CREB5: variants seen among roughly 807,000 people sequenced by gnomAD.
CREB5 encodes cAMP responsive element binding protein 5.
A neutral mutation model predicts 57.1 loss-of-function variants in CREB5; 19 were observed. The observed-to-expected ratio is 0.33, with a 90% CI of 0.23 to 0.49. The LOEUF is 0.49. Among genes scored for constraint, CREB5 ranks in the 20% least tolerant of loss-of-function variants. The pLI is 0.99. For missense variants in CREB5, 579 were observed against 671.6 expected (o/e 0.86, Z 1.52); for synonymous variants, 238 against 238.3 (o/e 1.00, Z 0.01).
At chr7:28,459,534 T>A (rs925853555) in intron 1 of CREB5, among the ~76,000 whole-genome samples, 7 of 152,198 alleles carry the variant, frequency 4.6e-5, no homozygotes, top group Non-Finnish European at 7.4e-5. Flanking sequence ...CATTATGAGT[T>A]AGCTCATGGG....
At chr7:28,487,076 G>C (rs1446221846) in intron 1 of CREB5, among the ~76,000 whole-genome samples, 1 of 152,120 alleles carries the variant, frequency 6.6e-6, no homozygotes. Flanking sequence ...GAGTGCCATG[G>C]TGCGATCTCA....
intron 1 of CREB5, among the ~76,000 whole-genome samples, chr7:28,464,500 T>C (rs866430377): frequency 1.3e-4 from 14 of 109,290 alleles, no homozygotes; most frequent in African/African-American, 4.9e-4. Context: ...AAGTTGCGTG[T>C]GTGTGTGTGT....
chr7:28,472,167 CAT>C lies in CREB5; in HGVS notation c.4-16006_4-16005del, dbSNP rs1491401581. On this transcript the variant is annotated intron_variant, in intron 1 of 10. Coordinates refer to ENST00000357727, the MANE Select transcript of CREB5 (RefSeq NM_182898.4). Reference sequence around the variant, plus strand: ...ATAGTCAAAGCAAAAAAAAAAAAAACATAGTAATGAGATTGTCTTAGGTTTGG... The same window carrying C: ...ATAGTCAAAGCAAAAAAAAAAAAAACAGTAATGAGATTGTCTTAGGTTTGG... 4.0e-3 allele frequency among the ~76,000 whole-genome samples: 578 copies of C among 144,120 alleles called. 4 individuals are homozygous for C. Among genetic ancestry groups the C allele is most frequent in the Non-Finnish European group, 4.3e-3 (284 of 65,754 alleles). The allele number at this position is 144,120 out of a possible 152,430, so 94.5% of individuals were successfully genotyped here.
chr7:28,772,644 A>G (rs1290814145), intron 7 of CREB5, among the ~76,000 whole-genome samples: 1 of 152,208 alleles, frequency 6.6e-6, no homozygotes, highest in Non-Finnish European at 1.5e-5. Flanking sequence ...TTCAAGCTAA[A>G]TGTAGTAAAA....
At chr7:28,310,269 T>C (rs573397161) in intron 1 of CREB5, among the ~76,000 whole-genome samples, 1 of 152,314 alleles carries the variant, frequency 6.6e-6, no homozygotes, top group South Asian at 2.1e-4. Context: ...GCAAAGGAAG[T>C]GTTCATTTGG....
In CREB5 at chr7:28,822,874, G is replaced by C. The variant is rs911367587; in HGVS notation, c.*3595G>C. 1 of 152,494 alleles carries C rather than the reference G, an allele frequency of 6.6e-6. No homozygotes were observed. The highest frequency in any genetic ancestry group is 2.4e-5 in the African/African-American group (1 of 41,428). 9.4% of individuals were successfully genotyped at this position (152,494 alleles called of 1,614,324 possible). A position where few individuals can be genotyped will look rare whatever the true frequency, so the allele number is the denominator to read the frequency against. On this transcript the variant is annotated 3_prime_UTR_variant, in exon 11 of 11. Transcript: ENST00000357727. ...ACACTACTACTCAGCCCTCTCCTGC[G>C]GCCACATCAACGGATGCAAGTCACA...
intron 4 of CREB5, among the ~76,000 whole-genome samples, chr7:28,561,138 GCTGA>G (rs937843624): frequency 3.3e-5 from 5 of 152,240 alleles, no homozygotes; most frequent in African/African-American, 1.2e-4. Flanking sequence ...TAAGGAGAGT[GCTGA>G]CTTTTTATTT....
In CREB5 at chr7:28,494,909, T is replaced by C; in HGVS notation, c.79T>C (p.Phe27Leu). The C allele has an allele frequency of 6.3e-7, 1 of 1,589,050 alleles. No homozygotes were observed. Among genetic ancestry groups the C allele is most frequent in the Non-Finnish European group, 8.5e-7 (1 of 1,173,484 alleles). The change falls in exon 3 of 11, where the codon TTC (phenylalanine) becomes CTC (leucine). Residue 27 changes from phenylalanine to leucine, a missense_variant. Transcript: ENST00000357727. ...VCSAPGCSQR[F>L]PTEDHLMIHR... ...TTTTTTTTTATTCGTCCGACAGCGC[T>C]TCCCAACAGAGGACCATCTGATGAT...
intron 3 of CREB5, among the ~76,000 whole-genome samples, chr7:28,503,687 C>T (rs756899745): frequency 1.1e-4 from 17 of 152,032 alleles, no homozygotes; most frequent in Non-Finnish European, 2.1e-4. Flanking sequence ...GCACGTTGAG[C>T]GATGTTTTCT....
At chr7:28,736,449 G>A (rs1046385563) in intron 7 of CREB5, among the ~76,000 whole-genome samples, 9 of 152,168 alleles carry the variant, frequency 5.9e-5, no homozygotes, top group African/African-American at 9.7e-5. Flanking sequence ...GATTACAGGC[G>A]TGAGCCACTG....
chr7:28,401,428 T>C (rs938343535), intron 1 of CREB5, among the ~76,000 whole-genome samples: 2 of 152,108 alleles, frequency 1.3e-5, no homozygotes, highest in Non-Finnish European at 2.9e-5. Context: ...TTTTATTTTT[T>C]TATAATGTAA....
chr7:28,802,078 GAAAAAAAAAAAAAA>G (rs35658848), intron 7 of CREB5, among the ~76,000 whole-genome samples: 2 of 26,648 alleles, frequency 7.5e-5, no homozygotes, highest in East Asian at 1.5e-3. Context: ...GACTCCATCT[GAAAAAAAAAAAAAA>G]AAAAAAAAAA....
intron 1 of CREB5, among the ~76,000 whole-genome samples, chr7:28,365,402 G>A (rs541671097): frequency 3.9e-5 from 6 of 152,016 alleles, no homozygotes; most frequent in Middle Eastern, 3.4e-3. Flanking sequence ...CTTTGCTCCC[G>A]GAATTATCAC....
At chr7:28,316,961 C>T (rs1785395982) in intron 1 of CREB5, among the ~76,000 whole-genome samples, 1 of 151,342 alleles carries the variant, frequency 6.6e-6, no homozygotes, top group Non-Finnish European at 1.5e-5. Context: ...ATAAATATGA[C>T]TTCGCCTACC....
chr7:28,730,687 A>G (rs931550661), intron 7 of CREB5, among the ~76,000 whole-genome samples: 1 of 152,134 alleles, frequency 6.6e-6, no homozygotes, highest in South Asian at 2.1e-4. Flanking sequence ...ACAAATTGCA[A>G]ACTGCTTCCA....
At chr7:28,521,654 C>G (rs1346105618) in intron 4 of CREB5, among the ~76,000 whole-genome samples, 1 of 152,206 alleles carries the variant, frequency 6.6e-6, no homozygotes, top group Non-Finnish European at 1.5e-5. Flanking sequence ...GCAAATAGCT[C>G]TTACTAACCT....
chr7:28,622,737 C>T (rs1338834926), intron 5 of CREB5, among the ~76,000 whole-genome samples: 1 of 152,040 alleles, frequency 6.6e-6, no homozygotes, highest in Non-Finnish European at 1.5e-5. Context: ...AATATTCCCA[C>T]CAGCTGGGTG....
intron 1 of CREB5, among the ~76,000 whole-genome samples, chr7:28,358,289 A>G (rs714218): frequency 0.67 from 102,516 of 151,986 alleles, 35,146 homozygotes; most frequent in South Asian, 0.76. Context: ...TTAACTGGGG[A>G]CTCCTGCTCA....
At chr7:28,519,740 G>T (rs1299346619) in intron 4 of CREB5, among the ~76,000 whole-genome samples, 1 of 152,208 alleles carries the variant, frequency 6.6e-6, no homozygotes, top group East Asian at 1.9e-4. Context: ...CTTATACAAT[G>T]TACTGGTGTA....
Sources: gnomAD v4.1 joint callset for allele counts (sites outside exome capture counted in the v4.1 genomes callset) on GRCh38, gnomAD v4.1.1 for gene constraint, MANE v1.5 for transcripts, NCBI Gene and HGNC (gene_info 2026-07-23, HGNC 2026-07-21) for gene names.